SRBD1: variants seen among roughly 807,000 people sequenced by gnomAD.
SRBD1 encodes S1 RNA-binding domain-containing protein 1.
A neutral mutation model predicts 115.3 loss-of-function variants in SRBD1; 88 were observed. The ratio of observed to expected loss-of-function variants is 0.76; its 90% CI spans 0.64 to 0.91. The LOEUF (loss-of-function observed/expected upper bound fraction) is 0.91. Among genes scored for constraint, SRBD1 ranks in the 40% least tolerant of loss-of-function variants. SRBD1 has a pLI of 0.00. For missense variants in SRBD1, 1,385 were observed against 1,177.4 expected, an observed-to-expected ratio of 1.18 and a Z score of -2.58; for synonymous variants, 509 against 407.7, an observed-to-expected ratio of 1.25 and a Z score of -2.99.
chr2:45,577,797 G>A (rs1673226236), intron 7 of SRBD1, among the ~76,000 whole-genome samples: 1 of 151,810 alleles, frequency 6.6e-6, no homozygotes, highest in Non-Finnish European at 1.5e-5. Flanking sequence ...GAGACAAAGA[G>A]AAAGAGAAAA....
At chr2:45,600,863 T>C (rs1025830129) in intron 3 of SRBD1, among the ~76,000 whole-genome samples, 2 of 152,192 alleles carry the variant, frequency 1.3e-5, no homozygotes, top group Non-Finnish European at 2.9e-5. Flanking sequence ...CAAGTATTTT[T>C]TCCAGAATCA....
At chr2:45,523,136 A>G (rs534588089) in intron 14 of SRBD1, among the ~76,000 whole-genome samples, 1 of 152,128 alleles carries the variant, frequency 6.6e-6, no homozygotes, top group Non-Finnish European at 1.5e-5. Flanking sequence ...TTTGAGATAA[A>G]TAAAAATGAA....
intron 14 of SRBD1, among the ~76,000 whole-genome samples, chr2:45,488,728 T>C (rs1670198841): frequency 6.6e-6 from 1 of 152,206 alleles, no homozygotes; most frequent in African/African-American, 2.4e-5. Context: ...CTTACCTGAA[T>C]GAATCATTCT....
chr2:45,457,157 C>T (rs1365258620), intron 16 of SRBD1, among the ~76,000 whole-genome samples: 1 of 151,830 alleles, frequency 6.6e-6, no homozygotes, highest in African/African-American at 2.4e-5. Flanking sequence ...CCTGTAACAT[C>T]GCCTAATACT....
At chr2:45,546,679 A>C (rs1672129346) in intron 14 of SRBD1, 53 bp downstream of exon 14, 1 of 1,549,034 alleles carries the variant, frequency 6.5e-7, no homozygotes, top group Non-Finnish European at 8.9e-7. Context: ...CACAAAAGCA[A>C]CTTTAAAGTT....
intron 17 of SRBD1, 89 bp from the exon 18 acceptor site, chr2:45,418,630 T>A: frequency 8.7e-7 from 1 of 1,143,848 alleles, no homozygotes; most frequent in Non-Finnish European, 1.2e-6. Flanking sequence ...ACGACTGCAA[T>A]GACATATCCT....
chr2:45,412,018 C>A (rs181191011), intron 19 of SRBD1, among the ~76,000 whole-genome samples: 1 of 151,972 alleles, frequency 6.6e-6, no homozygotes, highest in Admixed American at 6.6e-5. Flanking sequence ...GAGGTTGACG[C>A]GCAAGAATCA....
intron 5 of SRBD1, among the ~76,000 whole-genome samples, chr2:45,584,900 C>T (rs1266579371): frequency 6.6e-6 from 1 of 152,178 alleles, no homozygotes; most frequent in Non-Finnish European, 1.5e-5. Context: ...CCTATCATCT[C>T]AGCACTTTGG....
chr2:45,519,356 C>G (rs1195032789), intron 14 of SRBD1, among the ~76,000 whole-genome samples: 2 of 152,138 alleles, frequency 1.3e-5, no homozygotes, highest in Non-Finnish European at 2.9e-5. Context: ...ACATTTCAAA[C>G]TAAACCTTGG....
chr2:45,453,669 T>G (rs577186744), intron 16 of SRBD1, among the ~76,000 whole-genome samples: 1 of 152,054 alleles, frequency 6.6e-6, no homozygotes, highest in Non-Finnish European at 1.5e-5. Context: ...ATTACAAACT[T>G]AAATGTGGTA....
intron 15 of SRBD1, among the ~76,000 whole-genome samples, chr2:45,479,873 C>T (rs1431535045): frequency 6.6e-6 from 1 of 152,142 alleles, no homozygotes; most frequent in Non-Finnish European, 1.5e-5. Context: ...GACAGCCTGA[C>T]TCATTTTATT....
intron 16 of SRBD1, among the ~76,000 whole-genome samples, chr2:45,421,510 CAAAAAAAAAAAAAAAAAAA>C (rs869298079): frequency 4.5e-5 from 1 of 22,292 alleles, no homozygotes; most frequent in East Asian, 8.2e-4. Context: ...CCGTCTCAAA[CAAAAAAAAAAAAAAAAAAA>C]AAAAAAAAAA....
intron 2 of SRBD1, among the ~76,000 whole-genome samples, chr2:45,604,805 A>T (rs1674214844): frequency 6.6e-6 from 1 of 152,152 alleles, no homozygotes; most frequent in Non-Finnish European, 1.5e-5. Flanking sequence ...ATTTTTCTTT[A>T]TAGTACTTAT....
intron 16 of SRBD1, among the ~76,000 whole-genome samples, chr2:45,427,864 C>T (rs71422156): frequency 0.042 from 6,410 of 152,136 alleles, 216 homozygotes; most frequent in Admixed American, 0.092. Context: ...TTCTTAGAGA[C>T]CTACAAAGAA....
At chr2:45,485,708 G>A (rs746832980) in intron 15 of SRBD1, among the ~76,000 whole-genome samples, 19 of 152,092 alleles carry the variant, frequency 1.2e-4, no homozygotes, top group Non-Finnish European at 2.5e-4. Context: ...TTGAAGTTCT[G>A]TTATATTCTT....
chr2:45,409,099 C>T (rs1667520575), intron 19 of SRBD1, among the ~76,000 whole-genome samples: 1 of 152,032 alleles, frequency 6.6e-6, no homozygotes, highest in African/African-American at 2.4e-5. Flanking sequence ...CAGCACATGC[C>T]TGTAGTCCCA....
chr2:45,489,014 C>CT (rs577677442), intron 14 of SRBD1, among the ~76,000 whole-genome samples: 119 of 152,264 alleles, frequency 7.8e-4, no homozygotes, highest in African/African-American at 2.8e-3. Context: ...AAATCATTCT[C>CT]TTTCATTCTC....
At chr2:45,592,568 C>G (rs142625005) in intron 4 of SRBD1, among the ~76,000 whole-genome samples, 1 of 152,326 alleles carries the variant, frequency 6.6e-6, no homozygotes, top group African/African-American at 2.4e-5. Flanking sequence ...TTGCCTTGGT[C>G]TCTCTTGCTT....
intron 16 of SRBD1, among the ~76,000 whole-genome samples, chr2:45,439,349 G>T (rs2103702158): frequency 7.1e-6 from 1 of 140,462 alleles, no homozygotes; most frequent in Middle Eastern, 3.8e-3. Flanking sequence ...GTAAAACATG[G>T]TATTCTAGGA....
Sources: gnomAD v4.1 joint callset for allele counts (sites outside exome capture counted in the v4.1 genomes callset) on GRCh38, gnomAD v4.1.1 for gene constraint, MANE v1.5 for transcripts, NCBI Gene and HGNC (gene_info 2026-07-23, HGNC 2026-07-21) for gene names.